TAOK3: variants seen among roughly 807,000 people sequenced by gnomAD.
TAOK3 encodes TAO kinase 3.
In TAOK3, 40 loss-of-function variants were observed where a neutral mutation model predicts 120.4. That is an observed-to-expected ratio of 0.33 (90% CI 0.26 to 0.43). The LOEUF is 0.43. Among genes scored for constraint, TAOK3 ranks in the 20% least tolerant of loss-of-function variants. TAOK3 has a pLI of 1.00. For missense variants in TAOK3, 821 were observed against 1,112.1 expected (o/e 0.74, Z 3.72); for synonymous variants, 355 against 387.5 (o/e 0.92, Z 0.99).
chr12:118,317,113 A>T (rs913156193), intron 1 of TAOK3, among the ~76,000 whole-genome samples: 6 of 151,850 alleles, frequency 4.0e-5, no homozygotes, highest in Non-Finnish European at 7.4e-5. Flanking sequence ...AAATACAAAA[A>T]TTAGCTGGGT....
chr12:118,181,269 A>G (rs2036702383), intron 15 of TAOK3, 102 bp downstream of exon 15: 2 of 1,030,954 alleles, frequency 1.9e-6, no homozygotes, highest in African/African-American at 1.6e-5. Context: ...GGAAACAACA[A>G]TTTTCCTCCA....
At chr12:118,312,792 T>C (rs938207220) in intron 1 of TAOK3, among the ~76,000 whole-genome samples, 2 of 152,210 alleles carry the variant, frequency 1.3e-5, no homozygotes, top group Non-Finnish European at 2.9e-5. Context: ...TCTGACATTA[T>C]TTTTGGCTAC....
At chr12:118,255,805 G>A (rs565591235) in intron 2 of TAOK3, 150 bp from the exon 3 acceptor site, 15 of 403,152 alleles carry the variant, frequency 3.7e-5, no homozygotes, top group African/African-American at 1.7e-4. Context: ...ACATATGGCC[G>A]GGCGCGGTGG....
chr12:118,306,521 T>G (rs1445922054), intron 1 of TAOK3, among the ~76,000 whole-genome samples: 3 of 152,170 alleles, frequency 2.0e-5, no homozygotes, highest in African/African-American at 4.8e-5. Context: ...TTTTTCTTTT[T>G]GACTTATATT....
intron 1 of TAOK3, among the ~76,000 whole-genome samples, chr12:118,330,376 T>C (rs534975616): frequency 6.6e-5 from 10 of 152,300 alleles, no homozygotes; most frequent in Admixed American, 5.2e-4. Context: ...CTATTGGTGG[T>C]AGAAACAAAA....
chr12:118,334,289 T>A (rs901892638), intron 1 of TAOK3, among the ~76,000 whole-genome samples: 1 of 152,124 alleles, frequency 6.6e-6, no homozygotes, highest in Non-Finnish European at 1.5e-5. Context: ...TGAAATATTA[T>A]CCAACTTTAA....
Position 118,194,472 on chromosome 12 carries a change from A to G in TAOK3, c.1195-4531T>C, listed in dbSNP as rs1593116205. 2.0e-5 allele frequency among the ~76,000 whole-genome samples: 3 copies of G among 152,138 alleles called. No homozygotes were observed. The East Asian group carries it at 5.8e-4, about 29-fold the overall frequency. ...GCTCTGTTTAAGAAACATTACCTTCATATGTTAATTTACTTTTACTTTGCC... is the reference window on the plus strand; with the variant it reads ...GCTCTGTTTAAGAAACATTACCTTCGTATGTTAATTTACTTTTACTTTGCC... On this transcript the variant is annotated intron_variant, in intron 13 of 20. Transcript: ENST00000392533.
At chr12:118,339,319 T>G (rs1454600117) in intron 1 of TAOK3, among the ~76,000 whole-genome samples, 1 of 139,302 alleles carries the variant, frequency 7.2e-6, no homozygotes, top group Non-Finnish European at 1.5e-5. Flanking sequence ...AGTTTCGCTC[T>G]TGTTGCCCAG....
intron 1 of TAOK3, among the ~76,000 whole-genome samples, chr12:118,305,918 A>AT (rs1258848176): frequency 2.0e-5 from 3 of 152,056 alleles, no homozygotes; most frequent in Non-Finnish European, 4.4e-5. Flanking sequence ...AAAAAAAAAA[A>AT]AAAAAAAAGT....
At chr12:118,338,786 C>CAAAAA (rs71069438) in intron 1 of TAOK3, among the ~76,000 whole-genome samples, 3 of 49,840 alleles carry the variant, frequency 6.0e-5, no homozygotes, top group Non-Finnish European at 7.7e-5. Flanking sequence ...GACTCCGTCT[C>CAAAAA]AAAAAAAAAA....
chr12:118,194,373 G>A (rs548837427), intron 13 of TAOK3, among the ~76,000 whole-genome samples: 61 of 152,284 alleles, frequency 4.0e-4, no homozygotes, highest in African/African-American at 1.4e-3. Flanking sequence ...AACTTGGAAG[G>A]ATAGTTGGAG....
At chr12:118,329,619 T>C (rs1345367710) in intron 1 of TAOK3, among the ~76,000 whole-genome samples, 1 of 152,200 alleles carries the variant, frequency 6.6e-6, no homozygotes, top group East Asian at 1.9e-4. Context: ...TATCAAAATA[T>C]AAAGCTTGTT....
intron 1 of TAOK3, among the ~76,000 whole-genome samples, chr12:118,281,831 C>T (rs559564160): frequency 4.7e-4 from 71 of 151,952 alleles, no homozygotes; most frequent in Non-Finnish European, 7.9e-4. Context: ...TTTATTAATG[C>T]ATTTAGTAAT....
chr12:118,217,795 GTA>G (rs1279454828), intron 9 of TAOK3, among the ~76,000 whole-genome samples: 13 of 81,280 alleles, frequency 1.6e-4, no homozygotes, highest in Admixed American at 4.0e-4. Flanking sequence ...ATGTATGTAT[GTA>G]TGTGTGTGTG....
intron 14 of TAOK3, among the ~76,000 whole-genome samples, chr12:118,186,059 A>G (rs2037056095): frequency 6.6e-6 from 1 of 152,238 alleles, no homozygotes; most frequent in South Asian, 2.1e-4. Flanking sequence ...TCACGTATCC[A>G]ATTTCACAAT....
intron 1 of TAOK3, among the ~76,000 whole-genome samples, chr12:118,315,823 G>A (rs2140898303): frequency 6.6e-6 from 1 of 152,202 alleles, no homozygotes; most frequent in South Asian, 2.1e-4. Flanking sequence ...GAAAAAAATT[G>A]GTTAGGGTAA....
At chr12:118,324,931 A>G (rs1453257597) in intron 1 of TAOK3, among the ~76,000 whole-genome samples, 1 of 151,426 alleles carries the variant, frequency 6.6e-6, no homozygotes, top group African/African-American at 2.4e-5. Flanking sequence ...TATTTTTAGT[A>G]GAGACGGGGT....
intron 9 of TAOK3, among the ~76,000 whole-genome samples, chr12:118,217,300 G>A (rs1041912599): frequency 6.6e-6 from 1 of 152,156 alleles, no homozygotes; most frequent in African/African-American, 2.4e-5. Context: ...TCATTTAGTA[G>A]CACTTAAGCA....
At chr12:118,235,126 T>C (rs1190579585) in intron 8 of TAOK3, among the ~76,000 whole-genome samples, 1 of 152,184 alleles carries the variant, frequency 6.6e-6, no homozygotes, top group Non-Finnish European at 1.5e-5. Flanking sequence ...ACAAGCTAGG[T>C]AACCTATCAG....
Sources: gnomAD v4.1 joint callset for allele counts (sites outside exome capture counted in the v4.1 genomes callset) on GRCh38, gnomAD v4.1.1 for gene constraint, MANE v1.5 for transcripts, NCBI Gene and HGNC (gene_info 2026-07-23, HGNC 2026-07-21) for gene names.